STARD13: variants seen among roughly 807,000 people sequenced by gnomAD.
The protein encoded by STARD13 is StAR related lipid transfer domain containing 13.
Under a neutral mutation model 106.4 loss-of-function variants are expected in STARD13, and 62 were observed. That is an observed-to-expected ratio of 0.58 (90% CI 0.48 to 0.72). STARD13 has a LOEUF of 0.72. Ranked by LOEUF, STARD13 falls within the 30% of genes least tolerant of loss-of-function variation. The pLI, the probability that STARD13 is intolerant of heterozygous loss-of-function variation, is 0.00. For synonymous variants in STARD13, 565 were observed against 553.0 expected (o/e 1.02, Z -0.31); for missense variants, 1,387 against 1,424.0 (o/e 0.97, Z 0.42).
chr13:33,537,497 A>G, the STARD13 span, among the ~76,000 whole-genome samples: 993 of 152,338 alleles, frequency 6.5e-3, 7 homozygotes, highest in Non-Finnish European at 1.0e-2. Context: ...AGGCTCAGAA[A>G]AGTTAAATAA....
At chr13:33,387,214 A>G in the STARD13 span, among the ~76,000 whole-genome samples, 1 of 152,140 alleles carries the variant, frequency 6.6e-6, no homozygotes, top group African/African-American at 2.4e-5. Context: ...TATATTGCCC[A>G]TGCTGGTCTT....
chr13:33,421,250 AT>A, the STARD13 span, among the ~76,000 whole-genome samples: 1 of 152,240 alleles, frequency 6.6e-6, no homozygotes. Flanking sequence ...CAATAAAAAA[AT>A]GATAAAGGGA....
the STARD13 span, among the ~76,000 whole-genome samples, chr13:33,401,621 C>A: frequency 5.3e-3 from 814 of 152,300 alleles, 6 homozygotes; most frequent in South Asian, 0.021. Context: ...TGTCTCTCCT[C>A]ACTAGGAATC....
At chr13:33,566,525 A>C in the STARD13 span, among the ~76,000 whole-genome samples, 1 of 148,164 alleles carries the variant, frequency 6.7e-6, no homozygotes, top group African/African-American at 2.5e-5. Flanking sequence ...CCCTTTCATT[A>C]TAATCATAGT....
chr13:33,625,125 A>G, the STARD13 span, among the ~76,000 whole-genome samples: 18,423 of 152,194 alleles, frequency 0.12, 2,822 homozygotes, highest in African/African-American at 0.36. Flanking sequence ...GAGCAAGCCT[A>G]GGCACAAGAG....
intron 1 of STARD13, among the ~76,000 whole-genome samples, chr13:33,293,956 T>C (rs1054774685): frequency 6.6e-6 from 1 of 152,166 alleles, no homozygotes; most frequent in African/African-American, 2.4e-5. Context: ...TCTATCCTAT[T>C]AATTCTTTCC....
chr13:33,214,692 GCA>G (rs1440199937), intron 1 of STARD13, among the ~76,000 whole-genome samples: 3 of 103,236 alleles, frequency 2.9e-5, no homozygotes, highest in Non-Finnish European at 5.5e-5. Flanking sequence ...ACACACACAT[GCA>G]CACATACACA....
rs933578388 is a variant in STARD13 at position 33,129,492 on chromosome 13, C to T, written c.1185G>A (p.Val395=). ...HEFHSQENLV[V]HIPKDHKPGT... ...CTGGTTTGTGATCCTTGGGAATATG[C>T]ACCACCAAATTCTCTTGGGAGTGAA... The change falls in exon 5 of 14, where the codon GTG becomes GTA. Residue 395 remains valine (V), a synonymous_variant. Coordinates refer to ENST00000336934, the MANE Select transcript of STARD13 (RefSeq NM_178006.4). The T allele has an allele frequency of 5.0e-6, 8 of 1,614,210 alleles. No homozygotes were observed. In the East Asian group the frequency reaches 1.1e-4, roughly 22 times the overall value.
At chr13:33,383,754 CAAAAAAAAAAA>C in the STARD13 span, 6 of 27,774 alleles carry the variant, frequency 2.2e-4, no homozygotes, top group African/African-American at 6.1e-4. Context: ...GAGACTGTCT[CAAAAAAAAAAA>C]AAAAAAAAAA....
Position 33,132,478 on chromosome 13 carries a change from C to G in STARD13, c.388-2189G>C, listed in dbSNP as rs536587715. 3.9e-5 allele frequency among the ~76,000 whole-genome samples: 6 copies of G among 152,310 alleles called. No homozygotes were observed. The East Asian group carries it at 1.2e-3, about 29-fold the overall frequency. The stretch of plus-strand genomic sequence containing the variant: ...TTTGCCTTCCACCATGATTGTGAGG[C>G]CTGCTTACATGAAACTGTGAGTCCA... On this transcript the variant is annotated intron_variant, in intron 4 of 13. Coordinates refer to ENST00000336934, the MANE Select transcript of STARD13 (RefSeq NM_178006.4).
chr13:33,285,799 C>T, upstream of STARD13: 4 of 1,425,348 alleles, frequency 2.8e-6, no homozygotes, highest in South Asian at 6.2e-5. Flanking sequence ...GAATTCCAAC[C>T]CCCGGGGCCC....
At chr13:33,331,688 A>G (rs2077838535) in intron 1 of STARD13, among the ~76,000 whole-genome samples, 1 of 151,988 alleles carries the variant, frequency 6.6e-6, no homozygotes, top group African/African-American at 2.4e-5. Flanking sequence ...TTCTACTACC[A>G]TACTTGTCCT....
At chr13:33,506,942 T>A in the STARD13 span, among the ~76,000 whole-genome samples, 2 of 152,018 alleles carry the variant, frequency 1.3e-5, no homozygotes, top group South Asian at 4.1e-4. Flanking sequence ...TGAGACCCTG[T>A]CTCTACAAAT....
intron 3 of STARD13, among the ~76,000 whole-genome samples, chr13:33,153,371 C>G (rs923971182): frequency 1.3e-5 from 2 of 152,138 alleles, no homozygotes; most frequent in African/African-American, 4.8e-5. Flanking sequence ...CCTGGGCACA[C>G]AGGAAAAGAG....
rs766953568 is a variant in STARD13, at chr13:33,110,056, G to A, written c.2864C>T (p.Ala955Val). The change falls in exon 12 of 14, where the codon GCT becomes GTT. Residue 955 changes from alanine (A) to valine (V), a missense_variant. Transcript: ENST00000336934. The stretch of plus-strand genomic sequence containing the variant: ...GGGGGGTGCTTCCACCTCCACAGAA[G>A]CCTTCCACAGCTTCAGCGGGTTCCC... ...GDGNPLKLWK[A>V]SVEVEAPPSV... is the part of the protein sequence containing the mutation. 1.2e-6 allele frequency: 2 copies of A among 1,614,216 alleles called. No individual in the cohort carries two copies. Among genetic ancestry groups the A allele is most frequent in the Admixed American group, 3.3e-5 (2 of 60,026 alleles).
chr13:33,504,670 G>C, the STARD13 span, among the ~76,000 whole-genome samples: 1 of 151,548 alleles, frequency 6.6e-6, no homozygotes, highest in Admixed American at 6.6e-5. Flanking sequence ...CGAGTTGATG[G>C]GTGCAGCACA....
At chr13:33,509,129 T>C in the STARD13 span, among the ~76,000 whole-genome samples, 1 of 152,174 alleles carries the variant, frequency 6.6e-6, no homozygotes, top group Non-Finnish European at 1.5e-5. Flanking sequence ...AAATATCAAG[T>C]TTTATGGAAT....
At chr13:33,544,801 G>C in the STARD13 span, among the ~76,000 whole-genome samples, 4 of 136,500 alleles carry the variant, frequency 2.9e-5, no homozygotes, top group African/African-American at 1.1e-4. Flanking sequence ...TGAGATGGAG[G>C]CTTGCTCTGT....
chr13:33,653,237 G>A, the STARD13 span, among the ~76,000 whole-genome samples: 2 of 152,080 alleles, frequency 1.3e-5, no homozygotes, highest in Admixed American at 6.6e-5. Context: ...TGAGGAAGAC[G>A]AACAAAGTTA....
Sources: gnomAD v4.1 joint callset for allele counts (sites outside exome capture counted in the v4.1 genomes callset) on GRCh38, gnomAD v4.1.1 for gene constraint, MANE v1.5 for transcripts, NCBI Gene and HGNC (gene_info 2026-07-23, HGNC 2026-07-21) for gene names.